ABHD17C: variants seen among roughly 807,000 people sequenced by gnomAD.
The protein encoded by ABHD17C is alpha/beta hydrolase domain-containing protein 17C.
ABHD17C carries 11 observed loss-of-function variants against 27.9 expected under a neutral mutation model. The observed-to-expected ratio is 0.39, with a 90% CI of 0.25 to 0.65. ABHD17C has a LOEUF of 0.65. Ranked by LOEUF, ABHD17C falls within the 30% of genes least tolerant of loss-of-function variation. ABHD17C has a pLI of 0.45. For missense variants in ABHD17C, 280 were observed against 470.2 expected (o/e 0.60, Z 3.74); for synonymous variants, 233 against 209.1 (o/e 1.11, Z -0.98).
chr15:80,705,274 G>A (rs1401948941), intron 1 of ABHD17C, among the ~76,000 whole-genome samples: 4 of 150,670 alleles, frequency 2.7e-5, no homozygotes, highest in Non-Finnish European at 5.9e-5. Flanking sequence ...ACATGGGCAA[G>A]GTTGTCTCAA....
intron 1 of ABHD17C, among the ~76,000 whole-genome samples, chr15:80,742,686 G>A (rs1158867645): frequency 6.6e-6 from 1 of 152,152 alleles, no homozygotes. Flanking sequence ...AAGTCCTGGG[G>A]TTAAATGAGA....
intron 1 of ABHD17C, among the ~76,000 whole-genome samples, chr15:80,732,974 C>A: frequency 6.6e-6 from 1 of 152,258 alleles, no homozygotes; most frequent in East Asian, 1.9e-4. Flanking sequence ...ACTACAAGTG[C>A]AGGAGAGAGG....
intron 1 of ABHD17C, among the ~76,000 whole-genome samples, chr15:80,733,222 C>G (rs143565585): frequency 2.8e-4 from 42 of 152,272 alleles, no homozygotes; most frequent in African/African-American, 9.6e-4. Context: ...TGGTCATGAC[C>G]ACATACTCCA....
intron 1 of ABHD17C, among the ~76,000 whole-genome samples, chr15:80,732,199 A>G (rs1422414761): frequency 6.6e-6 from 1 of 152,216 alleles, no homozygotes; most frequent in East Asian, 1.9e-4. Flanking sequence ...ACGGACACCC[A>G]GAGCAGGGTT....
chr15:80,720,077 G>A (rs1404211753), intron 1 of ABHD17C, among the ~76,000 whole-genome samples: 2 of 152,206 alleles, frequency 1.3e-5, no homozygotes, highest in African/African-American at 2.4e-5. Context: ...TGAGATTACA[G>A]GCGTGAGCTA....
Position 80,714,729 on chromosome 15 carries a change from G to T in ABHD17C, c.590+18710G>T, listed in dbSNP as rs567248033. On this transcript the variant is annotated intron_variant, in intron 1 of 2. Coordinates refer to ENST00000258884, the MANE Select transcript of ABHD17C (RefSeq NM_021214.2). ...AGTGTTTTAAAACACACACAGACAC[G>T]CACAAATCGGGAGCACCTGCTCTCA... 2.0e-5 allele frequency among the ~76,000 whole-genome samples: 3 copies of T among 152,190 alleles called. No individual in the cohort carries two copies. In the South Asian group the frequency reaches 6.2e-4, roughly 32 times the overall value.
At chr15:80,739,761 A>G (rs1895181639) in intron 1 of ABHD17C, among the ~76,000 whole-genome samples, 1 of 152,208 alleles carries the variant, frequency 6.6e-6, no homozygotes, top group Admixed American at 6.5e-5. Flanking sequence ...TAAATTACTC[A>G]GTCTCAGGTA....
At chr15:80,728,246 GTGAC>G (rs1341833249) in intron 1 of ABHD17C, among the ~76,000 whole-genome samples, 1 of 152,204 alleles carries the variant, frequency 6.6e-6, no homozygotes, top group Non-Finnish European at 1.5e-5. Flanking sequence ...GTTAAGGAGA[GTGAC>G]TGTATGAACA....
intron 1 of ABHD17C, among the ~76,000 whole-genome samples, chr15:80,747,377 G>T (rs1329854552): frequency 6.6e-6 from 1 of 152,176 alleles, no homozygotes; most frequent in African/African-American, 2.4e-5. Flanking sequence ...AAGAACTCCT[G>T]CTGAAACGGC....
At chr15:80,707,274 A>G (rs541417587) in intron 1 of ABHD17C, among the ~76,000 whole-genome samples, 9 of 152,200 alleles carry the variant, frequency 5.9e-5, no homozygotes, top group East Asian at 1.9e-4. Flanking sequence ...GGGGAATTCA[A>G]TGGACTTGAA....
intron 1 of ABHD17C, among the ~76,000 whole-genome samples, chr15:80,709,324 AC>A (rs778971456): frequency 2.5e-4 from 38 of 151,658 alleles, no homozygotes; most frequent in Non-Finnish European, 3.7e-4. Flanking sequence ...CCCCATCTCT[AC>A]CCAAAGTACA....
chr15:80,715,195 G>C (rs1894787562), intron 1 of ABHD17C, among the ~76,000 whole-genome samples: 1 of 152,164 alleles, frequency 6.6e-6, no homozygotes, highest in Non-Finnish European at 1.5e-5. Context: ...CTGAGTCTTT[G>C]GAAATCAATT....
At chr15:80,697,853 C>T (rs1168307566) in intron 1 of ABHD17C, among the ~76,000 whole-genome samples, 3 of 152,114 alleles carry the variant, frequency 2.0e-5, no homozygotes, top group East Asian at 1.9e-4. Context: ...AGGCTGCATG[C>T]GAAGCTTAGA....
intron 1 of ABHD17C, among the ~76,000 whole-genome samples, chr15:80,699,922 G>A (rs754773810): frequency 4.6e-5 from 7 of 152,232 alleles, no homozygotes; most frequent in South Asian, 2.1e-4. Flanking sequence ...CTTGTTTTAC[G>A]TTTGCATTAC....
At chr15:80,701,128 C>T (rs1031306849) in intron 1 of ABHD17C, among the ~76,000 whole-genome samples, 8 of 152,098 alleles carry the variant, frequency 5.3e-5, no homozygotes, top group Non-Finnish European at 1.0e-4. Context: ...TTGGAAAATC[C>T]ATGTCACAGC....
intron 1 of ABHD17C, among the ~76,000 whole-genome samples, chr15:80,717,985 GTC>G (rs1894831520): frequency 6.6e-6 from 1 of 152,158 alleles, no homozygotes; most frequent in Admixed American, 6.5e-5. Context: ...TGCCTGGGGA[GTC>G]TCTCTGAACC....
At chr15:80,716,136 T>C (rs552308979) in intron 1 of ABHD17C, among the ~76,000 whole-genome samples, 28 of 152,220 alleles carry the variant, frequency 1.8e-4, no homozygotes, top group Middle Eastern at 3.4e-3. Flanking sequence ...GTTTATGGAG[T>C]CTGCAACATG....
chr15:80,736,755 G>A (rs1036494788), intron 1 of ABHD17C, among the ~76,000 whole-genome samples: 6 of 152,180 alleles, frequency 3.9e-5, no homozygotes, highest in African/African-American at 1.4e-4. Flanking sequence ...AAATGGGAGA[G>A]CTCCTGACAA....
At chr15:80,723,281 C>T (rs1163925030) in intron 1 of ABHD17C, among the ~76,000 whole-genome samples, 1 of 152,296 alleles carries the variant, frequency 6.6e-6, no homozygotes, top group East Asian at 1.9e-4. Flanking sequence ...AGGGCACCCC[C>T]TCCCATGACC....
Sources: allele counts gnomAD v4.1 joint callset (sites outside exome capture counted in the v4.1 genomes callset), GRCh38; gene constraint gnomAD v4.1.1; transcripts MANE v1.5; gene names NCBI Gene and HGNC (gene_info 2026-07-23, HGNC 2026-07-21).